CCDC141: variants seen among roughly 807,000 people sequenced by gnomAD.
The protein encoded by CCDC141 is coiled-coil domain-containing protein 141.
CCDC141 carries 168 observed loss-of-function variants against 181.0 expected under a neutral mutation model. The observed-to-expected ratio is 0.93, with a 90% confidence interval of 0.82 to 1.05. CCDC141 has a LOEUF of 1.05. Among genes scored for constraint, CCDC141 ranks in the 50% least tolerant of loss-of-function variants. The pLI is 0.00. For missense variants in CCDC141, 1,902 were observed against 1,788.5 expected (o/e 1.06, Z -1.14); for synonymous variants, 666 against 642.3 (o/e 1.04, Z -0.56).
At chr2:178,881,029 A>G (rs1008371453) in intron 11 of CCDC141, among the ~76,000 whole-genome samples, 12 of 152,208 alleles carry the variant, frequency 7.9e-5, no homozygotes, top group African/African-American at 2.2e-4. Flanking sequence ...AAGAAACCAT[A>G]GGTAGGAATG....
At chr2:178,828,779 T>C (rs1196387282), downstream of CCDC141, among the ~76,000 whole-genome samples, 1 of 152,234 alleles carries the variant, frequency 6.6e-6, no homozygotes, top group African/African-American at 2.4e-5. Context: ...TAGCATAATA[T>C]GCGTTGGAGA....
intron 2 of CCDC141, among the ~76,000 whole-genome samples, chr2:178,979,763 C>T (rs1691284309): frequency 6.6e-6 from 1 of 152,142 alleles, no homozygotes; most frequent in Admixed American, 6.5e-5. Flanking sequence ...ACAGTAAAGA[C>T]ACTCATGAAC....
At chr2:179,015,266 T>C (rs199555096) in intron 2 of CCDC141, among the ~76,000 whole-genome samples, 5 of 37,248 alleles carry the variant, frequency 1.3e-4, no homozygotes, top group African/African-American at 2.4e-4. Flanking sequence ...ATATATATCA[T>C]ATATATCTCA....
intron 6 of CCDC141, among the ~76,000 whole-genome samples, chr2:178,930,621 A>G (rs748840395): frequency 2.0e-5 from 3 of 152,178 alleles, no homozygotes. Context: ...ATATAGATTT[A>G]CAGAATAGAA....
chr2:178,833,711 A>C lies in CCDC141; in HGVS notation c.*462T>G, dbSNP rs1684353659. On this transcript the variant is annotated 3_prime_UTR_variant, in exon 24 of 24. Transcript: ENST00000443758. The stretch of plus-strand genomic sequence containing the variant: ...ACAAGATCAAGACATGGAAAGCAAA[A>C]TTAAAGGACAGCTAATGCAAAAATA... The C allele has an allele frequency of 6.4e-6, 1 of 156,254 alleles. No homozygotes were observed. Among genetic ancestry groups the C allele is most frequent in the Admixed American group, 6.2e-5 (1 of 16,240 alleles). The allele number at this position is 156,254 out of a possible 1,614,324, so 9.7% of individuals were successfully genotyped here.
rs750396680 is a variant in CCDC141 at position 178,856,249 on chromosome 2, CTT to C, written c.2865+6_2865+7del. 1.4e-5 allele frequency: 23 copies of C among 1,601,616 alleles called. No individual in the cohort carries two copies. The highest frequency in any genetic ancestry group is 1.7e-5 in the Non-Finnish European group (20 of 1,174,344). On this transcript the variant is annotated splice_donor_region_variant and intron_variant, in intron 18 of 23. Transcript: ENST00000443758. ...TGCGCACATATACAAACCATACTTT[CTT>C]GTTACCTGCATTTTTTCAGCATACA...
chr2:178,959,380 A>C (rs925038624), intron 5 of CCDC141, among the ~76,000 whole-genome samples: 4 of 152,156 alleles, frequency 2.6e-5, no homozygotes, highest in Admixed American at 6.5e-5. Context: ...AGGGGATAGC[A>C]GCTCTGGGAA....
intron 2 of CCDC141, among the ~76,000 whole-genome samples, chr2:178,996,475 A>G (rs1692293293): frequency 6.6e-6 from 1 of 152,212 alleles, no homozygotes; most frequent in Non-Finnish European, 1.5e-5. Context: ...GTAACTTCCC[A>G]GTAATATTTC....
At position 178,944,551 on chromosome 2, in the gene CCDC141, A is replaced by C. The variant is rs1189802042; in HGVS notation, c.881T>G (p.Leu294Arg). 1.3e-5 allele frequency: 19 copies of C among 1,500,520 alleles called. No homozygotes were observed. The highest frequency in any genetic ancestry group is 1.6e-5 in the Non-Finnish European group (18 of 1,114,178). The allele number at this position is 1,500,520 out of a possible 1,614,324, so 93.0% of individuals were successfully genotyped here. A position where few individuals can be genotyped will look rare whatever the true frequency, so the allele number is the denominator to read the frequency against. The change falls in exon 6 of 24, where the codon CTG becomes CGG. Residue 294 changes from leucine (L) to arginine (R), a missense_variant. Coordinates refer to ENST00000443758, the MANE Select transcript of CCDC141 (RefSeq NM_173648.4). Reference sequence around the variant, plus strand: ...ATCTCTTACCTTTGCTTTTATTATCAGTTCCTCTTGCTTATGAATTCGATC... The same window carrying C: ...ATCTCTTACCTTTGCTTTTATTATCCGTTCCTCTTGCTTATGAATTCGATC... ...NEDRIHKQEELIIKAKEWNSA... is the reference protein window; with the variant it reads ...NEDRIHKQEERIIKAKEWNSA...
chr2:178,853,233 T>C (rs1214565456), intron 20 of CCDC141, among the ~76,000 whole-genome samples: 1 of 152,190 alleles, frequency 6.6e-6, no homozygotes, highest in Non-Finnish European at 1.5e-5. Context: ...TAGGTAAAAA[T>C]CTGCAGGCTT....
chr2:178,816,863 G>A, the CCDC141 span, among the ~76,000 whole-genome samples: 1 of 152,162 alleles, frequency 6.6e-6, no homozygotes, highest in African/African-American at 2.4e-5. Context: ...GCTCCTGGGT[G>A]GTAGACCAGG....
rs182520319 is a variant in CCDC141, at chr2:178,874,932, G to A, written c.1900-2620C>T. The A allele has an allele frequency of 3.9e-5, 6 of 152,318 alleles. No individual in the cohort carries two copies. The East Asian group carries it at 1.2e-3, about 29-fold the overall frequency. 9.4% of individuals were successfully genotyped at this position (152,318 alleles called of 1,614,324 possible). A position where few individuals can be genotyped will look rare whatever the true frequency, so the allele number is the denominator to read the frequency against. ...AAAGGCCTCTGAAAAGCAGAGTGGA[G>A]TTTTTCAGCAGACTACCCAAACAAA... is the stretch of plus-strand genomic sequence containing the variant. On this transcript the variant is annotated intron_variant, in intron 12 of 23. Coordinates refer to ENST00000443758, the MANE Select transcript of CCDC141 (RefSeq NM_173648.4).
At chr2:178,981,659 C>CTATATAT (rs1691410778) in intron 2 of CCDC141, among the ~76,000 whole-genome samples, 1 of 31,916 alleles carries the variant, frequency 3.1e-5, no homozygotes, top group African/African-American at 9.9e-5. Flanking sequence ...TATATATATA[C>CTATATAT]ATACATATAT....
the CCDC141 span, among the ~76,000 whole-genome samples, chr2:178,822,333 G>C: frequency 1.7e-3 from 262 of 151,098 alleles, no homozygotes; most frequent in Non-Finnish European, 3.0e-3. Context: ...GTGCAGCACA[G>C]CAGCATGGCA....
chr2:178,970,746 C>T (rs1690849612), intron 4 of CCDC141, among the ~76,000 whole-genome samples: 1 of 152,156 alleles, frequency 6.6e-6, no homozygotes, highest in Non-Finnish European at 1.5e-5. Context: ...AAAGCAATGG[C>T]AACAAAAGCC....
the CCDC141 span, among the ~76,000 whole-genome samples, chr2:178,817,165 T>C: frequency 6.6e-6 from 1 of 152,220 alleles, no homozygotes; most frequent in Non-Finnish European, 1.5e-5. Flanking sequence ...TTTACCTAAG[T>C]GGACAACTGG....
chr2:179,023,949 A>C (rs2042759336), intron 2 of CCDC141, among the ~76,000 whole-genome samples: 1 of 152,220 alleles, frequency 6.6e-6, no homozygotes, highest in African/African-American at 2.4e-5. Context: ...TAAGTACCAC[A>C]TTAATGTGAC....
At chr2:179,032,995 T>TTA (rs536539189) in intron 2 of CCDC141, among the ~76,000 whole-genome samples, 77 of 147,184 alleles carry the variant, frequency 5.2e-4, no homozygotes, top group East Asian at 1.6e-3. Context: ...TCTCAGAATA[T>TTA]TATATATATA....
At chr2:178,984,119 G>A (rs971417664) in intron 2 of CCDC141, among the ~76,000 whole-genome samples, 31 of 152,182 alleles carry the variant, frequency 2.0e-4, no homozygotes, top group African/African-American at 4.6e-4. Context: ...TGGATCTCTC[G>A]GCAGAAACCC....
Sources: allele counts gnomAD v4.1 joint callset (sites outside exome capture counted in the v4.1 genomes callset), GRCh38; gene constraint gnomAD v4.1.1; transcripts MANE v1.5; gene names NCBI Gene and HGNC (gene_info 2026-07-23, HGNC 2026-07-21).